NXN: variants seen among roughly 807,000 people sequenced by gnomAD.
NXN encodes nucleoredoxin 1.
NXN carries 16 observed loss-of-function variants against 48.6 expected under a neutral mutation model. The ratio of observed to expected loss-of-function variants is 0.33; its 90% CI spans 0.22 to 0.50. The LOEUF (loss-of-function observed/expected upper bound fraction) is 0.50, where lower values mean the gene tolerates loss of function less well. Among genes scored for constraint, NXN ranks in the 20% least tolerant of loss-of-function variants. NXN has a pLI of 0.98. For missense variants in NXN, 492 were observed against 605.5 expected (o/e 0.81, Z 1.97); for synonymous variants, 281 against 269.6 (o/e 1.04, Z -0.41).
intron 1 of NXN, chr17:929,696 T>C (rs2068834784): frequency 6.6e-6 from 1 of 152,208 alleles, no homozygotes; most frequent in African/African-American, 2.4e-5. Context: ...GCGGCTCTGA[T>C]TCCAGACTGA....
rs547577703 is a variant in NXN, at chr17:867,664, C to G, written c.361-41586G>C. On this transcript the variant is annotated intron_variant, in intron 1 of 7. Transcript: ENST00000336868. ...TAAACAGGCCAGCGTGGTGGCTCTT[C>G]CCTGTAATCCCAGCACTTTGGGAGG... Among the ~76,000 whole-genome samples, 37 of 152,220 alleles carry G rather than the reference C, an allele frequency of 2.4e-4. No individual in the cohort carries two copies. The East Asian group carries it at 6.6e-3, about 27-fold the overall frequency.
chr17:930,833 G>A (rs1962389935), intron 1 of NXN, among the ~76,000 whole-genome samples: 2 of 150,722 alleles, frequency 1.3e-5, no homozygotes, highest in Non-Finnish European at 1.5e-5. Context: ...GTGCAGTGGT[G>A]CGATCTCGGC....
At chr17:864,600 C>G (rs998057986) in intron 1 of NXN, among the ~76,000 whole-genome samples, 4 of 152,202 alleles carry the variant, frequency 2.6e-5, no homozygotes, top group Admixed American at 6.5e-5. Context: ...ACTTGCCCTG[C>G]ATTTCCTCCC....
At chr17:951,404 C>T (rs1451919929) in intron 1 of NXN, among the ~76,000 whole-genome samples, 1 of 151,826 alleles carries the variant, frequency 6.6e-6, no homozygotes, top group Non-Finnish European at 1.5e-5. Flanking sequence ...AACACACCCC[C>T]AGGTGGAGGC....
intron 1 of NXN, among the ~76,000 whole-genome samples, chr17:833,295 A>G (rs1319999136): frequency 6.6e-6 from 1 of 152,142 alleles, no homozygotes; most frequent in Non-Finnish European, 1.5e-5. Context: ...GGCCACCCAA[A>G]GCATGAAGGT....
chr17:976,967 T>C (rs891667427), intron 1 of NXN, among the ~76,000 whole-genome samples: 20 of 152,122 alleles, frequency 1.3e-4, no homozygotes, highest in African/African-American at 1.9e-4. Flanking sequence ...GGTTTCTCCA[T>C]GTTGGTCAGG....
In NXN at chr17:966,732, G is replaced by T. The variant is rs140895829; in HGVS notation, c.360+12587C>A. On this transcript the variant is annotated intron_variant, in intron 1 of 7. Coordinates refer to ENST00000336868, the MANE Select transcript of NXN (RefSeq NM_022463.5). The stretch of plus-strand genomic sequence containing the variant: ...GCCAAAAAATTGGGCAACAAAGGAG[G>T]TAGGGCAGCCAGCTGCCCTCTGTGC... 1.1e-3 allele frequency among the ~76,000 whole-genome samples: 171 copies of T among 150,850 alleles called. 4 individuals carry two copies. The highest frequency in any genetic ancestry group is 0.01 in the Middle Eastern group (3 of 294).
chr17:855,931 G>A (rs566257071), intron 1 of NXN, among the ~76,000 whole-genome samples: 64 of 152,122 alleles, frequency 4.2e-4, no homozygotes, highest in African/African-American at 1.5e-3. Flanking sequence ...GCCGTGGCTC[G>A]CACCTGTAAT....
intron 1 of NXN, among the ~76,000 whole-genome samples, chr17:961,133 C>T (rs558377879): frequency 5.9e-5 from 9 of 151,782 alleles, no homozygotes; most frequent in Non-Finnish European, 8.8e-5. Context: ...GTGGCTCATG[C>T]CTGTAATCCC....
At position 805,183 on chromosome 17, in the gene NXN, C is replaced by T. The variant is rs564641396; in HGVS notation, c.885G>A (p.Glu295=). The part of the protein sequence containing the change: ...GEVITRQGRV[E]VLNDEDCREF... ...CCCGGCAGTCCTCGTCGTTCAGCACCTCCACCCGCCCCTGCCGCGTGATCA... is the reference window on the plus strand; with the variant it reads ...CCCGGCAGTCCTCGTCGTTCAGCACTTCCACCCGCCCCTGCCGCGTGATCA... Residue 295 remains glutamate (E), a synonymous_variant, in exon 6 of 8, where the codon GAG becomes GAA. Coordinates refer to ENST00000336868, the MANE Select transcript of NXN (RefSeq NM_022463.5). The T allele has an allele frequency of 3.1e-6, 5 of 1,609,354 alleles. No homozygotes were observed. The South Asian group carries it at 3.3e-5, about 11-fold the overall frequency.
At chr17:900,883 G>A (rs1198429019) in intron 1 of NXN, among the ~76,000 whole-genome samples, 2 of 147,724 alleles carry the variant, frequency 1.4e-5, no homozygotes. Flanking sequence ...AGAGAAAAGT[G>A]TGGACTTTAT....
chr17:977,196 A>G (rs1351297576), intron 1 of NXN, among the ~76,000 whole-genome samples: 1 of 152,218 alleles, frequency 6.6e-6, no homozygotes, highest in East Asian at 1.9e-4. Flanking sequence ...GTTCACGACC[A>G]AGGAAAGAAA....
intron 1 of NXN, among the ~76,000 whole-genome samples, chr17:876,249 G>GAAAAGAA (rs2068214090): frequency 2.0e-5 from 3 of 150,084 alleles, no homozygotes; most frequent in South Asian, 4.3e-4. Context: ...GAAGAGAAGA[G>GAAAAGAA]AAGAAAAGAA....
At chr17:977,951 A>G (rs2244795) in intron 1 of NXN, among the ~76,000 whole-genome samples, 24,630 of 152,190 alleles carry the variant, frequency 0.16, 3,261 homozygotes, top group African/African-American at 0.36. Flanking sequence ...TTTTCCCAAT[A>G]TGAAATTTAC....
chr17:816,076 G>A (rs565146345), intron 5 of NXN, among the ~76,000 whole-genome samples: 26 of 152,178 alleles, frequency 1.7e-4, no homozygotes, highest in Non-Finnish European at 3.2e-4. Flanking sequence ...CACGGCGCTC[G>A]GTAACGCTTG....
rs531621418 is a variant in NXN at position 959,156 on chromosome 17, C to T, written c.360+20163G>A. On this transcript the variant is annotated intron_variant, in intron 1 of 7. Coordinates refer to ENST00000336868, the MANE Select transcript of NXN (RefSeq NM_022463.5). ...CAGCAACAAGAGCCGAGCGCCCCTA[C>T]GGAAGGCTGGAGAGGTGGTTCCCCG... is the stretch of plus-strand genomic sequence containing the variant. The T allele has an allele frequency of 1.3e-5, 9 of 670,138 alleles. No homozygotes were observed. In the South Asian group the frequency reaches 1.7e-4, roughly 12 times the overall value. The allele number at this position is 670,138 out of a possible 1,614,324, so 41.5% of individuals were successfully genotyped here.
At chr17:955,669 G>A (rs1208457177) in intron 1 of NXN, among the ~76,000 whole-genome samples, 1 of 151,132 alleles carries the variant, frequency 6.6e-6, no homozygotes. Context: ...GGCCGAGGCG[G>A]GCGGATCACA....
intron 1 of NXN, among the ~76,000 whole-genome samples, chr17:915,225 C>T (rs1021377884): frequency 3.9e-5 from 6 of 152,154 alleles, no homozygotes; most frequent in Admixed American, 2.0e-4. Context: ...TGAGCCACTG[C>T]ACCCGGCCAG....
At chr17:925,678 T>C (rs1203888909) in intron 1 of NXN, among the ~76,000 whole-genome samples, 1 of 152,236 alleles carries the variant, frequency 6.6e-6, no homozygotes, top group Non-Finnish European at 1.5e-5. Flanking sequence ...CGTGAGCCAC[T>C]GTGCCCAGCT....
Sources: gnomAD v4.1 joint callset for allele counts (sites outside exome capture counted in the v4.1 genomes callset) on GRCh38, gnomAD v4.1.1 for gene constraint, MANE v1.5 for transcripts, NCBI Gene and HGNC (gene_info 2026-07-23, HGNC 2026-07-21) for gene names.